Variants in SMURF2 observed in about 807,000 individuals in gnomAD.
SMURF2 encodes the protein SMAD specific E3 ubiquitin protein ligase 2.
In SMURF2, 48 loss-of-function variants were observed where a neutral mutation model predicts 109.6. The observed-to-expected ratio is 0.44, with a 90% confidence interval of 0.35 to 0.56. The LOEUF is 0.56. SMURF2 is among the 20% of genes least tolerant of loss of function. The probability of loss-of-function intolerance (pLI) is 0.01; values close to 1 mark genes in which losing one functional copy is unlikely to be tolerated. For synonymous variants in SMURF2, 288 were observed against 317.1 expected (o/e 0.91, Z 0.97); for missense variants, 575 against 909.0 (o/e 0.63, Z 4.72).
intron 1 of SMURF2, among the ~76,000 whole-genome samples, chr17:64,612,865 CA>C (rs1347248546): frequency 2.6e-5 from 4 of 152,196 alleles, no homozygotes; most frequent in Middle Eastern, 6.8e-3. Context: ...GGAGAAATTA[CA>C]TTTTAGTAAT....
intron 13 of SMURF2, among the ~76,000 whole-genome samples, 163 bp downstream of exon 13, chr17:64,557,445 T>C (rs549517577): frequency 2.1e-4 from 32 of 152,318 alleles, no homozygotes; most frequent in African/African-American, 7.5e-4. Flanking sequence ...TTGGTGCATA[T>C]ATCCATAATC....
intron 6 of SMURF2, among the ~76,000 whole-genome samples, chr17:64,584,553 T>C (rs1555686906): frequency 6.6e-6 from 1 of 151,706 alleles, no homozygotes; most frequent in Non-Finnish European, 1.5e-5. Context: ...GAGACGTGGT[T>C]TCACCATGTT....
At chr17:64,582,773 A>AT (rs1555686686) in intron 7 of SMURF2, among the ~76,000 whole-genome samples, 1 of 151,622 alleles carries the variant, frequency 6.6e-6, no homozygotes, top group Admixed American at 6.6e-5. Context: ...TAATTTTTGT[A>AT]TTTTTAGTAG....
At chr17:64,563,038 GCAT>G in intron 10 of SMURF2, 72 bp from the exon 11 acceptor site, 2 of 1,271,322 alleles carry the variant, frequency 1.6e-6, no homozygotes, top group Non-Finnish European at 2.2e-6. Context: ...ATTTAAAATA[GCAT>G]CATATTATAA....
intron 16 of SMURF2, among the ~76,000 whole-genome samples, chr17:64,548,465 G>T (rs1968991454): frequency 6.6e-6 from 1 of 152,034 alleles, no homozygotes; most frequent in African/African-American, 2.4e-5. Flanking sequence ...TAGGCTCACT[G>T]CAACCTCTGC....
rs1194603010 is a variant in SMURF2 at position 64,547,296 on chromosome 17, C to T, written c.2071+304G>A. On this transcript the variant is annotated intron_variant, in intron 17 of 18. Transcript: ENST00000262435. The surrounding 1 kb of genome is among the most constrained non-coding windows in gnomAD (Gnocchi z 4.2). ...GTCAAGATGTGAACATGGAAGTGAA[C>T]GACTTCCCTACAGGAATGTGCAACA... Among the ~76,000 whole-genome samples, 6 of 152,210 alleles carry T rather than the reference C, an allele frequency of 3.9e-5. No individual in the cohort carries two copies. The highest frequency in any genetic ancestry group is 2.1e-4 in the South Asian group (1 of 4,820).
Position 64,568,170 on chromosome 17 carries a change from AG to A in SMURF2, c.1016+3627del, listed in dbSNP as rs537670115. Among the ~76,000 whole-genome samples, 418 of 151,700 alleles carry A rather than the reference AG, an allele frequency of 2.8e-3. 4 individuals are homozygous for A. The highest frequency in any genetic ancestry group is 9.3e-3 in the African/African-American group (386 of 41,332). On this transcript the variant is annotated intron_variant, in intron 10 of 18. Coordinates refer to ENST00000262435, the MANE Select transcript of SMURF2 (RefSeq NM_022739.4). ...CGCCTGGCCTAATTTTTGTATTTTT[AG>A]TAGAGACGGGGTTTCACCATGTTGG...
chr17:64,547,748 G>C lies in SMURF2; in HGVS notation c.1923C>G (p.Thr641=). The C allele has an allele frequency of 6.2e-7, 1 of 1,614,178 alleles. No homozygotes were observed. Among genetic ancestry groups the C allele is most frequent in the Non-Finnish European group, 8.5e-7 (1 of 1,180,028 alleles). Residue 641 remains threonine, a synonymous_variant, in exon 17 of 19, where the codon ACC becomes ACG. Coordinates refer to ENST00000262435, the MANE Select transcript of SMURF2 (RefSeq NM_022739.4). The surrounding 1 kb of genome is among the most constrained non-coding windows in gnomAD (Gnocchi z 4.2). ...TGTCTGGTGTACAGTGTTTTAACCG[G>C]GTGTTTACCTTCCAGTCATTAACAT... The part of the protein sequence containing the change: ...KIDVNDWKVN[T]RLKHCTPDSN...
chr17:64,567,627 A>G (rs1969332447), intron 10 of SMURF2, among the ~76,000 whole-genome samples: 1 of 152,210 alleles, frequency 6.6e-6, no homozygotes, highest in African/African-American at 2.4e-5. Flanking sequence ...GAACTGTCTC[A>G]GGCCACACAT....
At chr17:64,626,554 G>A (rs1451575402) in intron 1 of SMURF2, among the ~76,000 whole-genome samples, 2 of 152,092 alleles carry the variant, frequency 1.3e-5, no homozygotes, top group African/African-American at 2.4e-5. Flanking sequence ...TTTGAGGTCA[G>A]GAGTTCAAGA....
At chr17:64,596,224 T>C (rs1555688085) in intron 3 of SMURF2, among the ~76,000 whole-genome samples, 1 of 152,098 alleles carries the variant, frequency 6.6e-6, no homozygotes, top group East Asian at 1.9e-4. Flanking sequence ...GGTCTCGTTA[T>C]GTTGTAGCTG....
At position 64,580,919 on chromosome 17, in the gene SMURF2, T is replaced by C. The variant is rs1373626167; in HGVS notation, c.642A>G (p.Gly214=). 118 of 1,614,098 alleles carry C rather than the reference T, an allele frequency of 7.3e-5. No individual in the cohort carries two copies. Among genetic ancestry groups the C allele is most frequent in the Non-Finnish European group, 9.7e-5 (115 of 1,180,032 alleles). The change falls in exon 8 of 19, where the codon GGA becomes GGG. Residue 214 remains glycine (G), a synonymous_variant. Transcript: ENST00000262435. ...CFVDENTPIS[G]TNGATCGQSS... is the part of the protein sequence containing the mutation. ...ACTGTCCACATGTTGCACCATTTGT[T>C]CCACTAATTGGAGTGTTCTCATCAA...
chr17:64,576,061 G>A (rs117403722), intron 9 of SMURF2, among the ~76,000 whole-genome samples: 7,527 of 151,690 alleles, frequency 0.05, 303 homozygotes, highest in Admixed American at 0.13. Flanking sequence ...AAAAATTAGC[G>A]GGGTATTGTG....
chr17:64,589,209 G>A (rs1386342533), intron 5 of SMURF2, among the ~76,000 whole-genome samples: 3 of 152,048 alleles, frequency 2.0e-5, no homozygotes, highest in Non-Finnish European at 4.4e-5. Context: ...TCTATGTGGT[G>A]TACTCCAGTA....
chr17:64,658,892 A>G (rs1315552045), intron 1 of SMURF2, among the ~76,000 whole-genome samples: 2 of 152,220 alleles, frequency 1.3e-5, no homozygotes, highest in African/African-American at 4.8e-5. Context: ...CATACAGCCC[A>G]TTTCAATGAT....
At chr17:64,610,549 T>C (rs782622943) in intron 1 of SMURF2, among the ~76,000 whole-genome samples, 4 of 151,396 alleles carry the variant, frequency 2.6e-5, no homozygotes, top group African/African-American at 4.9e-5. Context: ...TAAGTGGGAG[T>C]TGAACAATGA....
At chr17:64,552,726 T>G (rs1555683725) in intron 15 of SMURF2, among the ~76,000 whole-genome samples, 1 of 152,146 alleles carries the variant, frequency 6.6e-6, no homozygotes, top group East Asian at 1.9e-4. Flanking sequence ...TTATATTAGG[T>G]GGAGTCTCGT....
chr17:64,606,186 C>T (rs1555689038), intron 2 of SMURF2, among the ~76,000 whole-genome samples: 1 of 152,082 alleles, frequency 6.6e-6, no homozygotes, highest in East Asian at 1.9e-4. Context: ...TCTGGAAATT[C>T]CAAGCAGGCT....
At chr17:64,638,894 T>A (rs540114622) in intron 1 of SMURF2, among the ~76,000 whole-genome samples, 11 of 152,208 alleles carry the variant, frequency 7.2e-5, no homozygotes, top group Admixed American at 2.0e-4. Flanking sequence ...CATATCCTGC[T>A]AAAATCCAAC....
Sources: gnomAD v4.1 joint callset for allele counts (sites outside exome capture counted in the v4.1 genomes callset) on GRCh38, gnomAD v4.1.1 for gene constraint, Gnocchi (gnomAD v3.1) non-coding constraint, MANE v1.5 for transcripts, NCBI Gene and HGNC (gene_info 2026-07-23, HGNC 2026-07-21) for gene names.